Variants in PREX2 observed in about 807,000 individuals in gnomAD.
PREX2 encodes phosphatidylinositol-3,4,5-trisphosphate dependent Rac exchange factor 2.
PREX2 carries 107 observed loss-of-function variants against 203.2 expected under a neutral mutation model. The ratio of observed to expected loss-of-function variants is 0.53; its 90% CI spans 0.45 to 0.62. PREX2 has a LOEUF of 0.62. Ranked by LOEUF, PREX2 falls within the 20% of genes least tolerant of loss-of-function variation. The probability of loss-of-function intolerance (pLI) is 0.00; values close to 1 mark genes in which losing one functional copy is unlikely to be tolerated. For missense variants in PREX2, 1,777 were observed against 1,955.9 expected, an observed-to-expected ratio of 0.91 and a Z score of 1.72; for synonymous variants, 672 against 663.6, an observed-to-expected ratio of 1.01 and a Z score of -0.19.
intron 23 of PREX2, chr8:68,105,123 C>T: frequency 7.3e-7 from 1 of 1,366,654 alleles, no homozygotes; most frequent in Non-Finnish European, 9.8e-7. Flanking sequence ...AAGAACTGTA[C>T]CTTCCATATT....
Position 68,017,890 on chromosome 8 carries a change from C to T in PREX2, c.186C>T (p.Asp62=). 2 of 1,612,710 alleles carry T rather than the reference C, an allele frequency of 1.2e-6. No homozygotes were observed. The highest frequency in any genetic ancestry group is 1.7e-6 in the Non-Finnish European group (2 of 1,179,146). The change falls in exon 2 of 40, where the codon GAC becomes GAT. Residue 62 remains aspartate, a synonymous_variant. Coordinates refer to ENST00000288368, the MANE Select transcript of PREX2 (RefSeq NM_024870.4). ...RMNQCAASKV[D]KNVTEETVKM... is the part of the protein sequence containing the mutation. ...ACCAGTGTGCAGCATCAAAAGTTGACAAAAATGTGACAGAAGAAACAGTGA... is the reference window on the plus strand; with the variant it reads ...ACCAGTGTGCAGCATCAAAAGTTGATAAAAATGTGACAGAAGAAACAGTGA...
chr8:67,993,746 A>G (rs16933956), intron 1 of PREX2, among the ~76,000 whole-genome samples: 22,412 of 152,088 alleles, frequency 0.15, 2,309 homozygotes, highest in African/African-American at 0.3. Flanking sequence ...TTTATTGAGT[A>G]TTTTATCCAG....
At chr8:68,077,966 A>AT (rs1317231642) in intron 15 of PREX2, among the ~76,000 whole-genome samples, 1 of 151,880 alleles carries the variant, frequency 6.6e-6, no homozygotes, top group Non-Finnish European at 1.5e-5. Flanking sequence ...TTAAATGTTA[A>AT]TTTTTTTTCT....
At chr8:68,230,564 G>A (rs1171657747) in intron 39 of PREX2, among the ~76,000 whole-genome samples, 2 of 152,132 alleles carry the variant, frequency 1.3e-5, no homozygotes. Flanking sequence ...CTTTGGTTCT[G>A]CTGTTATCAT....
intron 6 of PREX2, 41 bp downstream of exon 6, chr8:68,030,699 T>C (rs1312017380): frequency 3.8e-6 from 6 of 1,597,718 alleles, no homozygotes; most frequent in Non-Finnish European, 5.1e-6. Context: ...AAGATAGTTT[T>C]ATGTTGCAGG....
At chr8:68,060,613 TG>T in intron 10 of PREX2, 65 bp from the exon 11 acceptor site, 1 of 958,262 alleles carries the variant, frequency 1.0e-6, no homozygotes, top group Non-Finnish European at 1.6e-6. Flanking sequence ...CATGACTGGA[TG>T]GTATAGAAAG....
intron 10 of PREX2, among the ~76,000 whole-genome samples, chr8:68,057,971 A>G (rs1808729453): frequency 6.6e-6 from 1 of 152,204 alleles, no homozygotes; most frequent in Non-Finnish European, 1.5e-5. Context: ...TTGTGATGCT[A>G]TATGAAGCTT....
intron 5 of PREX2, 26 bp from the exon 6 acceptor site, chr8:68,030,471 C>T (rs757147090): frequency 1.8e-5 from 29 of 1,606,862 alleles, no homozygotes; most frequent in East Asian, 8.9e-5. Flanking sequence ...GATCAAAGGG[C>T]GATTTGTTTT....
intron 39 of PREX2, among the ~76,000 whole-genome samples, chr8:68,228,657 T>G (rs1289402817): frequency 6.6e-6 from 1 of 151,754 alleles, no homozygotes; most frequent in African/African-American, 2.4e-5. Flanking sequence ...TCCCAGCTAC[T>G]CGGGAGGCTG....
Position 68,146,331 on chromosome 8 carries a change from C to A in PREX2, c.4210C>A (p.His1404Asn), listed in dbSNP as rs866534903. The change falls in exon 34 of 40, where the codon CAT (histidine) becomes AAT (asparagine). Residue 1404 changes from histidine to asparagine, a missense_variant. Transcript: ENST00000288368. Reference protein sequence around the residue: ...RLKNGGGFKIHPVLFAQALES... With the variant: ...RLKNGGGFKINPVLFAQALES... ...GAAAAATGGAGGAGGGTTTAAAATT[C>A]ATCCTGTTCTTTTTGCACAAGGTAA... The A allele has an allele frequency of 6.2e-7, 1 of 1,612,370 alleles. No homozygotes were observed. The highest frequency in any genetic ancestry group is 1.7e-5 in the Admixed American group (1 of 59,888).
chr8:67,995,544 G>A (rs535832663), intron 1 of PREX2, among the ~76,000 whole-genome samples: 2 of 152,106 alleles, frequency 1.3e-5, no homozygotes, highest in South Asian at 2.1e-4. Flanking sequence ...CTATATTTAC[G>A]TTGAAAACTT....
At chr8:68,121,123 T>G in intron 30 of PREX2, 74 bp downstream of exon 30, 1 of 1,431,940 alleles carries the variant, frequency 7.0e-7, no homozygotes, top group Non-Finnish European at 9.7e-7. Context: ...ACCAAAAGTT[T>G]GGTAATGCCT....
rs1808291961 is a variant in PREX2 at position 68,044,563 on chromosome 8, G to C, written c.916G>C (p.Glu306Gln). ...TGGCCGGATCAACACGGAGGTGATGGAAGTGGAGAATGTGGATGATGGCAC... is the reference window on the plus strand; with the variant it reads ...TGGCCGGATCAACACGGAGGTGATGCAAGTGGAGAATGTGGATGATGGCAC... ...FRGRINTEVM[E>Q]VENVDDGTAD... The change falls in exon 8 of 40, where the codon GAA becomes CAA. Residue 306 changes from glutamate to glutamine, a missense_variant. By Grantham distance (29) the Glu-to-Gln change is conservative. Coordinates refer to ENST00000288368, the MANE Select transcript of PREX2 (RefSeq NM_024870.4). The C allele has an allele frequency of 6.2e-7, 1 of 1,612,796 alleles. No homozygotes were observed. The highest frequency in any genetic ancestry group is 1.3e-5 in the African/African-American group (1 of 74,868).
chr8:68,008,929 T>C (rs1807182057), intron 1 of PREX2, among the ~76,000 whole-genome samples: 1 of 152,238 alleles, frequency 6.6e-6, no homozygotes, highest in African/African-American at 2.4e-5. Context: ...TTTTCTCCGG[T>C]ATGTCTTTAT....
chr8:68,179,135 G>T (rs1812037288), intron 35 of PREX2, among the ~76,000 whole-genome samples: 1 of 152,058 alleles, frequency 6.6e-6, no homozygotes, highest in African/African-American at 2.4e-5. Context: ...CTCTCCTCTG[G>T]TGAATAAGAC....
At chr8:68,087,903 T>C in intron 19 of PREX2, 94 bp downstream of exon 19, 1 of 831,108 alleles carries the variant, frequency 1.2e-6, no homozygotes, top group South Asian at 1.3e-5. Context: ...AGAACCATGC[T>C]GTGATGATTC....
At chr8:68,131,927 T>A (rs1325161332) in intron 31 of PREX2, among the ~76,000 whole-genome samples, 2 of 152,154 alleles carry the variant, frequency 1.3e-5, no homozygotes, top group African/African-American at 2.4e-5. Context: ...GAAGTATTTT[T>A]AAAAATTCAC....
intron 9 of PREX2, among the ~76,000 whole-genome samples, chr8:68,055,551 G>C (rs1309550835): frequency 6.6e-6 from 1 of 152,118 alleles, no homozygotes; most frequent in African/African-American, 2.4e-5. Context: ...GGGCTCAATG[G>C]AAGCTGAGAC....
chr8:68,169,536 A>G (rs930355407), intron 35 of PREX2, among the ~76,000 whole-genome samples: 6 of 152,176 alleles, frequency 3.9e-5, no homozygotes, highest in African/African-American at 1.4e-4. Flanking sequence ...TTTTAAGAAC[A>G]TATTAAGAAT....
Sources: allele counts gnomAD v4.1 joint callset (sites outside exome capture counted in the v4.1 genomes callset), GRCh38; gene constraint gnomAD v4.1.1; transcripts MANE v1.5; gene names NCBI Gene and HGNC (gene_info 2026-07-23, HGNC 2026-07-21).